RBMS3: variants seen among roughly 807,000 people sequenced by gnomAD.
RBMS3 encodes the protein RNA binding motif single stranded interacting protein 3, also known as RNA-binding motif, single-stranded-interacting protein 3.
RBMS3 carries 27 observed loss-of-function variants against 66.8 expected under a neutral mutation model. The observed-to-expected ratio is 0.40, with a 90% CI of 0.30 to 0.56. RBMS3 has a LOEUF of 0.56. Ranked by LOEUF, RBMS3 falls within the 20% of genes least tolerant of loss-of-function variation. RBMS3 has a pLI of 0.40. For missense variants in RBMS3, 513 were observed against 549.5 expected (o/e 0.93, Z 0.66); for synonymous variants, 188 against 183.0 (o/e 1.03, Z -0.22).
In RBMS3 at chr3:29,739,817, T is replaced by C. The variant is rs1559623534; in HGVS notation, c.497T>C (p.Val166Ala). 1.2e-6 allele frequency: 2 copies of C among 1,613,160 alleles called. No individual in the cohort carries two copies. Among genetic ancestry groups the C allele is most frequent in the Non-Finnish European group, 8.5e-7 (1 of 1,179,606 alleles). ...LENMLKPFGH[V>A]ISTRILRDAN... ...AATATGCTGAAACCCTTTGGACATG[T>C]CATTTCCACAAGAATACTAAGAGAC... The change falls in exon 5 of 15, where the codon GTC (valine) becomes GCC (alanine). Residue 166 changes from valine (V) to alanine (A), a missense_variant. Transcript: ENST00000383767.
intron 4 of RBMS3, among the ~76,000 whole-genome samples, chr3:29,738,951 A>C (rs2054498720): frequency 6.6e-6 from 1 of 152,228 alleles, no homozygotes; most frequent in Admixed American, 6.5e-5. Flanking sequence ...CAATTTTGTC[A>C]TCCATAAAAT....
chr3:29,286,853 A>G (rs970175340), intron 1 of RBMS3, among the ~76,000 whole-genome samples: 3 of 152,156 alleles, frequency 2.0e-5, no homozygotes, highest in Non-Finnish European at 4.4e-5. Context: ...TTTCTTTTAA[A>G]ATAAAACTTT....
intron 14 of RBMS3, among the ~76,000 whole-genome samples, chr3:29,997,666 A>G (rs1171844707): frequency 6.6e-6 from 1 of 151,838 alleles, no homozygotes; most frequent in African/African-American, 2.4e-5. Context: ...AAAGACAAAA[A>G]CCACATGATT....
At chr3:29,850,834 C>T (rs765756405) in intron 6 of RBMS3, among the ~76,000 whole-genome samples, 50 of 152,162 alleles carry the variant, frequency 3.3e-4, no homozygotes, top group Non-Finnish European at 6.3e-4. Context: ...CTTTAGAGGT[C>T]GCTGTCACTC....
chr3:29,817,006 G>T (rs1026509004), intron 6 of RBMS3, among the ~76,000 whole-genome samples: 1 of 151,972 alleles, frequency 6.6e-6, no homozygotes, highest in Admixed American at 6.6e-5. Flanking sequence ...CAAGAGAATC[G>T]CTTGAACCCT....
At chr3:29,928,217 CA>C (rs1559808918) in intron 10 of RBMS3, among the ~76,000 whole-genome samples, 6 of 136,966 alleles carry the variant, frequency 4.4e-5, no homozygotes, top group African/African-American at 2.9e-5. Flanking sequence ...TATATACACA[CA>C]CACACACACA....
At chr3:29,471,087 A>G (rs1316095165) in intron 2 of RBMS3, among the ~76,000 whole-genome samples, 1 of 152,218 alleles carries the variant, frequency 6.6e-6, no homozygotes, top group Non-Finnish European at 1.5e-5. Flanking sequence ...GATACAAAAT[A>G]ATTTATGTAA....
intron 13 of RBMS3, among the ~76,000 whole-genome samples, chr3:29,989,468 G>A (rs528215467): frequency 6.6e-6 from 1 of 152,184 alleles, no homozygotes; most frequent in Admixed American, 6.5e-5. Flanking sequence ...TGATGTCTTT[G>A]CTACTCCATT....
chr3:29,654,599 C>CTTTT (rs373340245), intron 4 of RBMS3, among the ~76,000 whole-genome samples: 1 of 121,132 alleles, frequency 8.3e-6, no homozygotes, highest in African/African-American at 3.0e-5. Flanking sequence ...GACTTTTAAA[C>CTTTT]TTTTTTTTTT....
intron 3 of RBMS3, among the ~76,000 whole-genome samples, chr3:29,564,784 G>T (rs1184589016): frequency 1.3e-5 from 2 of 152,034 alleles, no homozygotes; most frequent in Non-Finnish European, 2.9e-5. Context: ...TTTCAGAATA[G>T]AATTCATCCT....
At chr3:29,753,904 G>T (rs985545841) in intron 5 of RBMS3, among the ~76,000 whole-genome samples, 2 of 151,798 alleles carry the variant, frequency 1.3e-5, no homozygotes, top group African/African-American at 4.8e-5. Context: ...TTTCTTTTCA[G>T]AGAGAAACTA....
chr3:29,787,169 CAT>C, intron 6 of RBMS3, among the ~76,000 whole-genome samples: 1 of 149,942 alleles, frequency 6.7e-6, no homozygotes, highest in Admixed American at 6.6e-5. Flanking sequence ...TAATCAAAAA[CAT>C]AAAAAAAAAA....
At chr3:29,439,487 C>G (rs547189630) in intron 2 of RBMS3, among the ~76,000 whole-genome samples, 2 of 152,000 alleles carry the variant, frequency 1.3e-5, no homozygotes, top group East Asian at 1.9e-4. Flanking sequence ...ATTCTTTTTT[C>G]CGTTAAAAAG....
At chr3:29,367,687 T>C (rs1486220513) in intron 1 of RBMS3, among the ~76,000 whole-genome samples, 1 of 152,172 alleles carries the variant, frequency 6.6e-6, no homozygotes, top group Non-Finnish European at 1.5e-5. Context: ...AGTTTCTATT[T>C]TTTCCTATAA....
At chr3:29,347,502 AT>A (rs2036645580) in intron 1 of RBMS3, among the ~76,000 whole-genome samples, 1 of 152,176 alleles carries the variant, frequency 6.6e-6, no homozygotes, top group Non-Finnish European at 1.5e-5. Flanking sequence ...TATATTCTTG[AT>A]AATTGAAGTT....
At chr3:29,753,958 A>G (rs2149369827) in intron 5 of RBMS3, among the ~76,000 whole-genome samples, 1 of 151,838 alleles carries the variant, frequency 6.6e-6, no homozygotes, top group South Asian at 2.1e-4. Flanking sequence ...AAGATTGAAA[A>G]ACTCTTTTTT....
chr3:29,779,683 T>A (rs1302853734), intron 6 of RBMS3, among the ~76,000 whole-genome samples: 3 of 95,958 alleles, frequency 3.1e-5, no homozygotes, highest in Non-Finnish European at 7.8e-5. Flanking sequence ...AAAAATAATC[T>A]CAGCAATCCT....
At chr3:29,700,553 C>T (rs2052518338) in intron 4 of RBMS3, among the ~76,000 whole-genome samples, 1 of 151,880 alleles carries the variant, frequency 6.6e-6, no homozygotes, top group African/African-American at 2.4e-5. Context: ...TCTCAAGGGC[C>T]TTTGAGTTTA....
At chr3:29,337,554 G>C (rs1430066971) in intron 1 of RBMS3, among the ~76,000 whole-genome samples, 1 of 152,068 alleles carries the variant, frequency 6.6e-6, no homozygotes, top group East Asian at 1.9e-4. Flanking sequence ...GCTGAGGCAA[G>C]AGGATTGCTT....
Sources: gnomAD v4.1 joint callset for allele counts (sites outside exome capture counted in the v4.1 genomes callset) on GRCh38, gnomAD v4.1.1 for gene constraint, MANE v1.5 for transcripts, NCBI Gene and HGNC (gene_info 2026-07-23, HGNC 2026-07-21) for gene names.